SLC22A25: variants seen among roughly 807,000 people sequenced by gnomAD.
SLC22A25 encodes the protein solute carrier family 22 member 25, also known as MGI:2442751, MGI:2385316, MGI:3042283, MGI:3645714, MGI:3605624, MGI:2442750.
A neutral mutation model predicts 45.9 loss-of-function variants in SLC22A25; 44 were observed. The observed-to-expected ratio is 0.96, with a 90% confidence interval of 0.75 to 1.23. The LOEUF is 1.23. Ranked by LOEUF, SLC22A25 falls within the 50% of genes most tolerant of loss-of-function variation. The pLI, the probability that SLC22A25 is intolerant of heterozygous loss-of-function variation, is 0.00. For synonymous variants in SLC22A25, 283 were observed against 238.6 expected (o/e 1.19, Z -1.72); for missense variants, 800 against 666.4 (o/e 1.20, Z -2.21).
chr11:63,200,107 A>G (rs2089192105), intron 7 of SLC22A25, among the ~76,000 whole-genome samples: 1 of 151,930 alleles, frequency 6.6e-6, no homozygotes, highest in South Asian at 2.1e-4. Context: ...TCCTACCAAA[A>G]CTATTCCAAA....
At chr11:63,168,333 A>T (rs2087757549) in intron 9 of SLC22A25, among the ~76,000 whole-genome samples, 1 of 152,190 alleles carries the variant, frequency 6.6e-6, no homozygotes, top group African/African-American at 2.4e-5. Flanking sequence ...AAATTGACAG[A>T]AGTAGGCTTT....
Position 63,166,262 on chromosome 11 carries a change from C to G in SLC22A25, c.1071-4G>C. The G allele has an allele frequency of 6.2e-7, 1 of 1,613,602 alleles. No homozygotes were observed. The highest frequency in any genetic ancestry group is 1.1e-5 in the South Asian group (1 of 91,032). On this transcript the variant is annotated splice_region_variant and splice_polypyrimidine_tract_variant and intron_variant, in intron 9 of 11. Transcript: ENST00000306494. Reference sequence around the variant, plus strand: ...AAAAGGGATGGTACTTGCAAATCTGCAGGGAACACAGAAAAAGGCACATAT... The same window carrying G: ...AAAAGGGATGGTACTTGCAAATCTGGAGGGAACACAGAAAAAGGCACATAT...
Position 63,163,695 on chromosome 11 carries a change from A to T in SLC22A25, c.*129T>A. The T allele has an allele frequency of 7.8e-7, 1 of 1,274,570 alleles. No individual in the cohort carries two copies. The highest frequency in any genetic ancestry group is 1.1e-6 in the Non-Finnish European group (1 of 932,960). The allele number at this position is 1,274,570 out of a possible 1,614,324, so 79.0% of individuals were successfully genotyped here. Reference sequence around the variant, plus strand: ...TGATCTAGTGAGGCTCAGGGGATGTATGAGGTCACTGTGGAAGGGATGAGG... The same window carrying T: ...TGATCTAGTGAGGCTCAGGGGATGTTTGAGGTCACTGTGGAAGGGATGAGG... On this transcript the variant is annotated 3_prime_UTR_variant, in exon 12 of 12. Coordinates refer to ENST00000306494, the MANE Select transcript of SLC22A25 (RefSeq NM_199352.6).
rs1241517123 is a variant in SLC22A25 at position 63,217,349 on chromosome 11, C to T, written c.795G>A (p.Met265Ile). The T allele has an allele frequency of 4.3e-6, 7 of 1,613,956 alleles. No individual in the cohort carries two copies. Among genetic ancestry groups the T allele is most frequent in the Middle Eastern group, 1.7e-4 (1 of 6,058 alleles). Residue 265 changes from methionine to isoleucine, a missense_variant, in exon 7 of 12, where the codon ATG becomes ATA. Transcript: ENST00000306494. ...GAAAGAAGACAAAGCATGGTGCAGA[C>T]ATCACCAACTGGAGGATGCACTGGT... ...IRDQCILQLV[M>I]SAPCFVFFLF...
chr11:63,189,837 G>A (rs1180535787), intron 7 of SLC22A25, among the ~76,000 whole-genome samples: 2 of 152,132 alleles, frequency 1.3e-5, no homozygotes, highest in Non-Finnish European at 2.9e-5. Context: ...ATTCTGGGTT[G>A]AAAATTCTTT....
chr11:63,200,351 A>G (rs976077017), intron 7 of SLC22A25, among the ~76,000 whole-genome samples: 5 of 150,394 alleles, frequency 3.3e-5, no homozygotes, highest in African/African-American at 1.2e-4. Flanking sequence ...ATGGCTCAAC[A>G]TAAACAAATC....
In SLC22A25 at chr11:63,159,484, G is replaced by A. The variant is rs1364211034; in HGVS notation, c.*4340C>T. On this transcript the variant is annotated 3_prime_UTR_variant, in exon 12 of 12. Transcript: ENST00000306494. ...CTGCAGAAATTCTCTTTTCCCTGCT[G>A]CCATGTAAGTTGTGCCTTTCACCTT... is the stretch of plus-strand genomic sequence containing the variant. Among the ~76,000 whole-genome samples the A allele has an allele frequency of 6.6e-6, 1 of 152,160 alleles. No homozygotes were observed. The highest frequency in any genetic ancestry group is 6.5e-5 in the Admixed American group (1 of 15,276).
chr11:63,164,405 A>G, intron 11 of SLC22A25, 121 bp downstream of exon 11: 1 of 896,552 alleles, frequency 1.1e-6, no homozygotes. Context: ...TGTTGTTTTT[A>G]TGACTATTAC....
chr11:63,233,992 C>A (rs1187980907), intron 3 of SLC22A25, among the ~76,000 whole-genome samples: 1 of 151,692 alleles, frequency 6.6e-6, no homozygotes, highest in Non-Finnish European at 1.5e-5. Flanking sequence ...TGCACTGTGG[C>A]CTGAGAGACA....
intron 9 of SLC22A25, among the ~76,000 whole-genome samples, chr11:63,173,215 T>C (rs1439895189): frequency 6.8e-6 from 1 of 146,376 alleles, no homozygotes; most frequent in Non-Finnish European, 1.5e-5. Flanking sequence ...CTGGGGCCTG[T>C]TGGGGGTGGG....
chr11:63,210,418 A>T (rs2089525564), intron 7 of SLC22A25, among the ~76,000 whole-genome samples: 1 of 152,194 alleles, frequency 6.6e-6, no homozygotes, highest in Non-Finnish European at 1.5e-5. Flanking sequence ...CAAGACCAGG[A>T]GAGGAAGGCC....
chr11:63,177,834 A>C (rs2134727419), intron 9 of SLC22A25, among the ~76,000 whole-genome samples: 1 of 137,186 alleles, frequency 7.3e-6, no homozygotes, highest in South Asian at 2.2e-4. Flanking sequence ...GTATATATAT[A>C]ATGTGTATAT....
At chr11:63,196,900 A>G (rs544025146) in intron 7 of SLC22A25, among the ~76,000 whole-genome samples, 19 of 152,312 alleles carry the variant, frequency 1.2e-4, no homozygotes, top group Non-Finnish European at 2.6e-4. Context: ...TAAGCAACTC[A>G]GCAAAGTCTC....
intron 7 of SLC22A25, among the ~76,000 whole-genome samples, chr11:63,205,975 G>A (rs2089391208): frequency 1.3e-5 from 2 of 152,134 alleles, no homozygotes; most frequent in Admixed American, 1.3e-4. Flanking sequence ...TCATCCCTGG[G>A]ATGCAAGGCT....
intron 3 of SLC22A25, among the ~76,000 whole-genome samples, chr11:63,233,337 T>C (rs1457191640): frequency 6.6e-6 from 1 of 152,208 alleles, no homozygotes; most frequent in East Asian, 1.9e-4. Flanking sequence ...TATTCAGAGA[T>C]TCAACTTCTT....
At chr11:63,242,542 A>AC (rs1237740809) in intron 1 of SLC22A25, among the ~76,000 whole-genome samples, 56 of 152,046 alleles carry the variant, frequency 3.7e-4, no homozygotes, top group Non-Finnish European at 1.2e-4. Flanking sequence ...ACTCAGCTAT[A>AC]CCCCATCACT....
At chr11:63,235,473 T>C (rs1188110252) in intron 3 of SLC22A25, among the ~76,000 whole-genome samples, 1 of 152,252 alleles carries the variant, frequency 6.6e-6, no homozygotes, top group Non-Finnish European at 1.5e-5. Context: ...ACGTAGTTCT[T>C]GTGCCATTGT....
chr11:63,183,582 A>G (rs1008045417), intron 8 of SLC22A25, 112 bp downstream of exon 8: 25 of 1,352,978 alleles, frequency 1.8e-5, no homozygotes, highest in African/African-American at 2.9e-5. Flanking sequence ...AGGTGAGATG[A>G]CCCATAACTC....
intron 8 of SLC22A25, 59 bp downstream of exon 8, chr11:63,183,635 A>T: frequency 2.5e-6 from 4 of 1,605,804 alleles, no homozygotes; most frequent in Admixed American, 3.4e-5. Context: ...AACACCAACA[A>T]GTATAGATGA....
Sources: gnomAD v4.1 joint callset for allele counts (sites outside exome capture counted in the v4.1 genomes callset) on GRCh38, gnomAD v4.1.1 for gene constraint, MANE v1.5 for transcripts, NCBI Gene and HGNC (gene_info 2026-07-23, HGNC 2026-07-21) for gene names.